Variants in C12orf42 observed in about 807,000 individuals in gnomAD.
The protein encoded by C12orf42 is uncharacterized protein C12orf42.
In C12orf42, 25 loss-of-function variants were observed where a neutral mutation model predicts 21.6. That is an observed-to-expected ratio of 1.16 (90% confidence interval 0.84 to 1.62). The LOEUF is 1.62. C12orf42 is among the 40% of genes most tolerant of loss of function. C12orf42 has a pLI of 0.00. For missense variants in C12orf42, 483 were observed against 459.3 expected, an observed-to-expected ratio of 1.05 and a Z score of -0.47; for synonymous variants, 174 against 175.0, an observed-to-expected ratio of 0.99 and a Z score of 0.05.
chr12:103,456,614 A>G (rs1393735884), intron 2 of C12orf42, among the ~76,000 whole-genome samples: 2 of 152,200 alleles, frequency 1.3e-5, no homozygotes, highest in African/African-American at 4.8e-5. Context: ...TGATAAAAGA[A>G]TTATTAGCAA....
At chr12:103,289,334 TC>T in intron 4 of C12orf42, among the ~76,000 whole-genome samples, 1 of 152,274 alleles carries the variant, frequency 6.6e-6, no homozygotes, top group South Asian at 2.1e-4. Flanking sequence ...ACTAATATTA[TC>T]ATTTTTTAAG....
chr12:103,330,678 T>C (rs548717608), intron 4 of C12orf42, among the ~76,000 whole-genome samples: 1 of 152,328 alleles, frequency 6.6e-6, no homozygotes, highest in Non-Finnish European at 1.5e-5. Flanking sequence ...TTGGTGGCCC[T>C]CTCTGTTCTA....
At chr12:103,313,329 A>G (rs2039149161) in intron 4 of C12orf42, among the ~76,000 whole-genome samples, 1 of 152,240 alleles carries the variant, frequency 6.6e-6, no homozygotes, top group Non-Finnish European at 1.5e-5. Context: ...GAAGGCTGCC[A>G]TCTCCTATTC....
rs377600073 is a variant in C12orf42, at chr12:103,415,064, T to G, written c.79-13389A>C. On this transcript the variant is annotated intron_variant, in intron 2 of 5. Transcript: ENST00000548883. ...CACCCGTGGGCTCAAAGTAGAAGGA[T>G]AGAGAAAGATCTACCATGAAAACAG... 6.6e-5 allele frequency among the ~76,000 whole-genome samples: 10 copies of G among 151,462 alleles called. No homozygotes were observed. In the East Asian group the frequency reaches 1.4e-3, roughly 21 times the overall value.
At chr12:103,540,692 T>A in the C12orf42 span, among the ~76,000 whole-genome samples, 2 of 152,328 alleles carry the variant, frequency 1.3e-5, no homozygotes, top group Middle Eastern at 3.4e-3. Flanking sequence ...AGTTTATCTC[T>A]TTTAAATAGC....
At chr12:103,281,944 AAAG>A (rs1365550374) in intron 4 of C12orf42, among the ~76,000 whole-genome samples, 3 of 151,908 alleles carry the variant, frequency 2.0e-5, no homozygotes, top group African/African-American at 7.2e-5. Context: ...AGAAAGAAAG[AAAG>A]AAAGAAAGAA....
the C12orf42 span, among the ~76,000 whole-genome samples, chr12:103,049,388 T>G: frequency 1.3e-5 from 2 of 152,190 alleles, no homozygotes; most frequent in Admixed American, 1.3e-4. Context: ...TCAAAACGCA[T>G]CTGAATTTGT....
At chr12:103,457,251 CATG>C (rs1424324341) in intron 2 of C12orf42, among the ~76,000 whole-genome samples, 3 of 152,106 alleles carry the variant, frequency 2.0e-5, no homozygotes, top group Non-Finnish European at 4.4e-5. Flanking sequence ...TTGAACTAAA[CATG>C]AAGATATAAC....
the C12orf42 span, among the ~76,000 whole-genome samples, chr12:103,141,182 C>T: frequency 2.0e-5 from 3 of 151,960 alleles, no homozygotes; most frequent in African/African-American, 4.8e-5. Flanking sequence ...AACATTTGAC[C>T]TGAACAATAC....
intron 3 of C12orf42, 31 bp from the exon 4 acceptor site, chr12:103,369,029 A>C: frequency 7.9e-7 from 1 of 1,259,168 alleles, no homozygotes; most frequent in South Asian, 1.3e-5. Context: ...ATACACACAA[A>C]AAAATTAGGT....
chr12:103,256,787 T>A (rs1301470376), intron 10 of C12orf42, among the ~76,000 whole-genome samples: 1 of 152,154 alleles, frequency 6.6e-6, no homozygotes, highest in Non-Finnish European at 1.5e-5. Flanking sequence ...AAACAGAAGA[T>A]TCTTGGTTGG....
chr12:103,416,704 A>G (rs1300081255), intron 2 of C12orf42, among the ~76,000 whole-genome samples: 3 of 152,144 alleles, frequency 2.0e-5, no homozygotes, highest in Non-Finnish European at 4.4e-5. Context: ...CAAACACTCT[A>G]TTTTCTCTAT....
chr12:103,052,445 A>C, the C12orf42 span, among the ~76,000 whole-genome samples: 1 of 152,036 alleles, frequency 6.6e-6, no homozygotes, highest in African/African-American at 2.4e-5. Context: ...ATAGCTTTGT[A>C]TATTTTATTA....
intron 4 of C12orf42, among the ~76,000 whole-genome samples, chr12:103,306,969 T>G (rs1276402845): frequency 6.6e-6 from 1 of 152,100 alleles, no homozygotes; most frequent in Non-Finnish European, 1.5e-5. Context: ...GATAGCCTGC[T>G]GCAAGCCAAG....
the C12orf42 span, among the ~76,000 whole-genome samples, chr12:103,073,764 C>G: frequency 6.6e-6 from 1 of 152,054 alleles, no homozygotes; most frequent in African/African-American, 2.4e-5. Flanking sequence ...TAAGTACTGA[C>G]CAACCTGACT....
chr12:103,068,961 A>AATCCTATTATATATATTT, the C12orf42 span, among the ~76,000 whole-genome samples: 1 of 89,212 alleles, frequency 1.1e-5, no homozygotes, highest in East Asian at 2.7e-4. Flanking sequence ...ATATATATAT[A>AATCCTATTATATATATTT]TATATATATA....
chr12:103,060,649 C>T, the C12orf42 span, among the ~76,000 whole-genome samples: 1 of 152,110 alleles, frequency 6.6e-6, no homozygotes. Context: ...TGGAACAGAA[C>T]AGAGACCTCA....
chr12:103,203,113 G>A, the C12orf42 span, among the ~76,000 whole-genome samples: 1 of 152,150 alleles, frequency 6.6e-6, no homozygotes, highest in Non-Finnish European at 1.5e-5. Context: ...TATTGGGCCA[G>A]GAGAATACCA....
chr12:103,206,287 T>C, the C12orf42 span, among the ~76,000 whole-genome samples: 351 of 152,306 alleles, frequency 2.3e-3, 1 homozygote, highest in African/African-American at 8.1e-3. Context: ...TACAGGTATT[T>C]CTCTCAAGAA....
Sources: allele counts gnomAD v4.1 joint callset (sites outside exome capture counted in the v4.1 genomes callset), GRCh38; gene constraint gnomAD v4.1.1; transcripts MANE v1.5; gene names NCBI Gene and HGNC (gene_info 2026-07-23, HGNC 2026-07-21).